The following ATF7 variants were observed in gnomAD, a reference collection of about 807,000 sequenced individuals.
ATF7 encodes cyclic AMP-dependent transcription factor ATF-7.
Under a neutral mutation model 50.4 loss-of-function variants are expected in ATF7, and 10 were observed. That is an observed-to-expected ratio of 0.20 (90% CI 0.12 to 0.34). ATF7 has a LOEUF of 0.34. Among genes scored for constraint, ATF7 ranks in the 10% least tolerant of loss-of-function variants. The probability of loss-of-function intolerance (pLI) is 1.00; values close to 1 mark genes in which losing one functional copy is unlikely to be tolerated. For missense variants in ATF7, 465 were observed against 613.9 expected, an observed-to-expected ratio of 0.76 and a Z score of 2.56; for synonymous variants, 201 against 226.4, an observed-to-expected ratio of 0.89 and a Z score of 1.01.
chr12:53,574,951 GC>G, intron 2 of ATF7: 2 of 205,620 alleles, frequency 9.7e-6, no homozygotes, highest in Non-Finnish European at 1.9e-5. Flanking sequence ...TTGAGCTTAA[GC>G]CAAAAAAAAA....
Position 53,524,733 on chromosome 12 carries a change from G to C in ATF7, c.956C>G (p.Thr319Ser), listed in dbSNP as rs754161452. ...QVSPAQPTPS[T>S]GGRRRRTVDE... The stretch of plus-strand genomic sequence containing the variant: ...TACTGTGCGCCGCCGTCGCCCCCCA[G>C]TACTAGGGGTGGGCTGAGCTGGTGA... Residue 319 changes from threonine (T) to serine (S), a missense_variant, in exon 10 of 12, where the codon ACT becomes AGT. Thr to Ser is a moderately conservative substitution (Grantham distance 58). Coordinates refer to ENST00000420353, the MANE Select transcript of ATF7 (RefSeq NM_006856.3). The surrounding 1 kb of genome is among the most constrained non-coding windows in gnomAD (Gnocchi z 4.6). 27 of 1,610,652 alleles carry C rather than the reference G, an allele frequency of 1.7e-5. No individual in the cohort carries two copies. The highest frequency in any genetic ancestry group is 2.1e-5 in the Non-Finnish European group (25 of 1,178,698).
chr12:53,598,991 T>C (rs1943274948), intron 2 of ATF7, among the ~76,000 whole-genome samples: 1 of 152,110 alleles, frequency 6.6e-6, no homozygotes, highest in African/African-American at 2.4e-5. Flanking sequence ...TCATAGTAAA[T>C]AGTATTATCT....
intron 5 of ATF7, 71 bp downstream of exon 5, chr12:53,537,344 A>G: frequency 1.9e-6 from 3 of 1,575,276 alleles, no homozygotes; most frequent in East Asian, 2.3e-5. Flanking sequence ...GTTAGGACAT[A>G]CTATTTATAT....
chr12:53,554,865 AAAAAG>A lies in ATF7; in HGVS notation c.49-2233_49-2229del, dbSNP rs1940615293. On this transcript the variant is annotated intron_variant, in intron 2 of 11. Coordinates refer to ENST00000420353, the MANE Select transcript of ATF7 (RefSeq NM_006856.3). ...GTGACAGAGGAAGACCTTGTCTCAAAAAAAGAAAAAAAAAAAAAAAAAAAAAAAAG... is the reference window on the plus strand; with the variant it reads ...GTGACAGAGGAAGACCTTGTCTCAAAAAAAAAAAAAAAAAAAAAAAAAAAG... Among the ~76,000 whole-genome samples the A allele has an allele frequency of 4.1e-5, 6 of 145,802 alleles. No individual in the cohort carries two copies. The South Asian group carries it at 1.4e-3, about 33-fold the overall frequency.
chr12:53,578,232 A>G (rs904139594), intron 2 of ATF7, among the ~76,000 whole-genome samples: 1 of 151,812 alleles, frequency 6.6e-6, no homozygotes, highest in Admixed American at 6.6e-5. Context: ...AAATTAGCCA[A>G]GTGTCCTGGC....
intron 2 of ATF7, among the ~76,000 whole-genome samples, chr12:53,576,484 C>A (rs902551279): frequency 6.6e-6 from 1 of 152,046 alleles, no homozygotes; most frequent in African/African-American, 2.4e-5. Flanking sequence ...CATTAGGTAC[C>A]CTTATAAAAG....
chr12:53,532,445 C>G, intron 8 of ATF7, 65 bp downstream of exon 8: 4 of 1,316,076 alleles, frequency 3.0e-6, no homozygotes, highest in Non-Finnish European at 4.3e-6. Flanking sequence ...ACTTGAAAGA[C>G]CTAGGCTGGT....
chr12:53,594,612 G>C (rs980916993), intron 2 of ATF7, among the ~76,000 whole-genome samples: 50 of 152,206 alleles, frequency 3.3e-4, no homozygotes, highest in Non-Finnish European at 7.3e-4. Context: ...CCCAGGCCAA[G>C]TGCGGTGGCT....
chr12:53,550,253 G>T (rs867635621), intron 3 of ATF7, among the ~76,000 whole-genome samples: 1 of 151,410 alleles, frequency 6.6e-6, no homozygotes, highest in Non-Finnish European at 1.5e-5. Flanking sequence ...GAGCCTGGGA[G>T]GGGGAGGTTG....
chr12:53,553,253 C>G (rs994233887), intron 2 of ATF7, among the ~76,000 whole-genome samples: 2 of 152,210 alleles, frequency 1.3e-5, no homozygotes, highest in Non-Finnish European at 1.5e-5. Context: ...ATGGCACATA[C>G]CAGCCCCATC....
At chr12:53,544,343 T>C (rs564998938) in intron 3 of ATF7, among the ~76,000 whole-genome samples, 1 of 152,352 alleles carries the variant, frequency 6.6e-6, no homozygotes, top group South Asian at 2.1e-4. Flanking sequence ...TGGGTTTCAT[T>C]GGCATGCTAC....
At chr12:53,616,373 C>T (rs1046101623) in intron 1 of ATF7, among the ~76,000 whole-genome samples, 2 of 151,954 alleles carry the variant, frequency 1.3e-5, no homozygotes, top group Non-Finnish European at 2.9e-5. Context: ...AAGGCGTGCA[C>T]CACCAAGCCC....
At chr12:53,578,801 AAAT>A (rs1184570408) in intron 2 of ATF7, among the ~76,000 whole-genome samples, 2 of 151,552 alleles carry the variant, frequency 1.3e-5, no homozygotes, top group Non-Finnish European at 1.5e-5. Context: ...AAAAAAAAAA[AAAT>A]ATCTGGGATT....
intron 4 of ATF7, among the ~76,000 whole-genome samples, chr12:53,539,681 C>T (rs1027754348): frequency 1.4e-5 from 2 of 146,386 alleles, no homozygotes; most frequent in African/African-American, 2.5e-5. Context: ...AGAGCAAGAT[C>T]CTGTCAATGA....
chr12:53,579,883 C>T (rs1449529277), intron 2 of ATF7, among the ~76,000 whole-genome samples: 3 of 152,190 alleles, frequency 2.0e-5, no homozygotes, highest in Non-Finnish European at 1.5e-5. Context: ...TTACACTTGA[C>T]TAGCCTTGGA....
At chr12:53,575,407 TAA>T (rs554041037) in intron 2 of ATF7, among the ~76,000 whole-genome samples, 47 of 121,700 alleles carry the variant, frequency 3.9e-4, no homozygotes, top group African/African-American at 4.0e-4. Context: ...AACTCTGTCT[TAA>T]AAAAAAAAAA....
At chr12:53,521,212 G>A (rs1938106536) in intron 11 of ATF7, among the ~76,000 whole-genome samples, 1 of 152,018 alleles carries the variant, frequency 6.6e-6, no homozygotes, top group South Asian at 2.1e-4. Context: ...GGCTGGTCTC[G>A]AACTCTCGAC....
chr12:53,528,931 A>G (rs1240701368), intron 9 of ATF7, among the ~76,000 whole-genome samples: 1 of 151,428 alleles, frequency 6.6e-6, no homozygotes, highest in Non-Finnish European at 1.5e-5. Flanking sequence ...AAGGAAAGGA[A>G]TCAGTGTTGA....
intron 9 of ATF7, among the ~76,000 whole-genome samples, chr12:53,529,704 T>TACACACAC (rs1310811632): frequency 4.1e-5 from 3 of 73,350 alleles, no homozygotes; most frequent in African/African-American, 1.4e-4. Context: ...CATATATATA[T>TACACACAC]ACACATACAC....
Sources: gnomAD v4.1 joint callset for allele counts (sites outside exome capture counted in the v4.1 genomes callset) on GRCh38, gnomAD v4.1.1 for gene constraint, Gnocchi (gnomAD v3.1) non-coding constraint, MANE v1.5 for transcripts, NCBI Gene and HGNC (gene_info 2026-07-23, HGNC 2026-07-21) for gene names.